The following HCN4 variants were observed in gnomAD, a reference collection of about 807,000 sequenced individuals.
HCN4 encodes the protein hyperpolarization activated cyclic nucleotide gated potassium channel 4.
A neutral mutation model predicts 76.9 loss-of-function variants in HCN4; 29 were observed. That is an observed-to-expected ratio of 0.38 (90% CI 0.28 to 0.51). The LOEUF is 0.51. HCN4 is among the 20% of genes least tolerant of loss of function. The pLI is 0.90. For missense variants in HCN4, 1,416 were observed against 1,715.2 expected (o/e 0.83, Z 3.08); for synonymous variants, 772 against 762.5 (o/e 1.01, Z -0.21).
intron 2 of HCN4, among the ~76,000 whole-genome samples, chr15:73,333,044 T>TTAA (rs1329444865): frequency 6.6e-6 from 1 of 152,218 alleles, no homozygotes; most frequent in Non-Finnish European, 1.5e-5. Context: ...TCCTGATTGG[T>TTAA]TAATACGTAT....
In HCN4 at chr15:73,329,763, T is replaced by C; in HGVS notation, c.1400A>G (p.Tyr467Cys). The C allele has an allele frequency of 6.2e-7, 1 of 1,613,992 alleles. No homozygotes were observed. The highest frequency in any genetic ancestry group is 8.5e-7 in the Non-Finnish European group (1 of 1,179,964). ...VNNSWGKQYS[Y>C]ALFKAMSHML... ...GTGGCTCATGGCCTTGAAGAGCGCG[T>C]AGGAGTACTGCTTCCCCCAGGAGTT... Residue 467 changes from tyrosine (Y) to cysteine (C), a missense_variant, in exon 4 of 8, where the codon TAC becomes TGC. Tyr to Cys is a radical substitution (Grantham distance 194). Around this residue, in one of 6 missense-constraint regions of HCN4, gnomAD observed 112 missense variants for 259.9 expected, o/e 0.43. Transcript: ENST00000261917.
rs924769137 is a variant in HCN4, at chr15:73,343,925, C to A, written c.786-117G>T. ...AGAGAAGTCTTGGGAGGTTCTGAGA[C>A]AGGAAGACAGGCACATGGGTACCAG... On this transcript the variant is annotated intron_variant, in intron 1 of 7. Transcript: ENST00000261917. This position sits in a 1 kb window ranked among gnomAD's most constrained non-coding sequence, Gnocchi z 5.7. 18 of 1,016,312 alleles carry A rather than the reference C, an allele frequency of 1.8e-5. No homozygotes were observed. The African/African-American group carries it at 2.7e-4, about 15-fold the overall frequency. 63.0% of individuals were successfully genotyped at this position (1,016,312 alleles called of 1,614,324 possible).
Position 73,368,181 on chromosome 15 carries a change from C to T in HCN4, c.90G>A (p.Glu30=). ...CCCCGGCCCCCTCCTCCTCGGCGTC[C>T]TCTTCCTCGTCCATGATCCACGCCT... ...GAKAWIMDEE[E]DAEEEGAGGR... Residue 30 remains glutamate, a synonymous_variant, in exon 1 of 8, where the codon GAG becomes GAA. Transcript: ENST00000261917. The surrounding 1 kb of genome is among the most constrained non-coding windows in gnomAD (Gnocchi z 6.9). 6.5e-7 allele frequency: 1 copy of T among 1,533,410 alleles called. No homozygotes were observed. Among genetic ancestry groups the T allele is most frequent in the Non-Finnish European group, 8.8e-7 (1 of 1,141,618 alleles). 95.0% of individuals were successfully genotyped at this position (1,533,410 alleles called of 1,614,324 possible). A position where few individuals can be genotyped will look rare whatever the true frequency, so the allele number is the denominator to read the frequency against.
intron 1 of HCN4, among the ~76,000 whole-genome samples, chr15:73,349,574 T>C (rs1490556094): frequency 6.6e-6 from 1 of 152,054 alleles, no homozygotes; most frequent in Non-Finnish European, 1.5e-5. Context: ...GCTCCTTGTC[T>C]CCCTCCCAGC....
chr15:73,323,072 C>G lies in HCN4; in HGVS notation c.3021G>C (p.Val1007=), dbSNP rs1461880931. 3.2e-6 allele frequency: 5 copies of G among 1,558,984 alleles called. No individual in the cohort carries two copies. Among genetic ancestry groups the G allele is most frequent in the Non-Finnish European group, 4.3e-6 (5 of 1,156,906 alleles). ...PPRQPEPPSL[V]AGASGGASPV... ...GGGAAGCCCCCCCAGAGGCCCCTGC[C>G]ACAAGGGACGGCGGCTCAGGCTGCC... Residue 1007 remains valine (V), a synonymous_variant, in exon 8 of 8, where the codon GTG becomes GTC. Transcript: ENST00000261917.
intron 1 of HCN4, among the ~76,000 whole-genome samples, chr15:73,349,548 C>A (rs2043044033): frequency 6.6e-6 from 1 of 152,124 alleles, no homozygotes. Context: ...TACTCCCAAA[C>A]TCTGTCCCTC....
In HCN4 at chr15:73,322,962, C is replaced by T. The variant is rs750637152; in HGVS notation, c.3131G>A (p.Arg1044Gln). The change falls in exon 8 of 8, where the codon CGG becomes CAG. Residue 1044 changes from arginine to glutamine, a missense_variant. Physicochemically the swap from Arg to Gln is conservative, Grantham distance 43. Coordinates refer to ENST00000261917, the MANE Select transcript of HCN4 (RefSeq NM_005477.3). The stretch of plus-strand genomic sequence containing the variant: ...CAAGGATCCGTGGGAGCCAGAGGCC[C>T]GGGGCGGGGCACTCGGGAAGGTTCT... ...PPRTFPSAPP[R>Q]ASGSHGSLLL... is the part of the protein sequence containing the mutation. The T allele has an allele frequency of 3.8e-5, 53 of 1,406,640 alleles. No individual in the cohort carries two copies. Among genetic ancestry groups the T allele is most frequent in the South Asian group, 1.7e-4 (11 of 64,234 alleles). 87.1% of individuals were successfully genotyped at this position (1,406,640 alleles called of 1,614,324 possible).
chr15:73,338,779 C>T (rs946849736), intron 2 of HCN4, among the ~76,000 whole-genome samples: 3 of 152,210 alleles, frequency 2.0e-5, no homozygotes, highest in Admixed American at 6.5e-5. Flanking sequence ...CAAGTGTCTG[C>T]GTTGAAGACA....
rs1463868589 is a variant in HCN4 at position 73,325,591 on chromosome 15, T to G, written c.1591-147A>C. The G allele has an allele frequency of 1.2e-6, 1 of 801,088 alleles. No individual in the cohort carries two copies. Among genetic ancestry groups the G allele is most frequent in the Non-Finnish European group, 2.1e-6 (1 of 474,614 alleles). The allele number at this position is 801,088 out of a possible 1,614,324, so 49.6% of individuals were successfully genotyped here. A position where few individuals can be genotyped will look rare whatever the true frequency, so the allele number is the denominator to read the frequency against. On this transcript the variant is annotated intron_variant, in intron 4 of 7. Transcript: ENST00000261917. This position sits in a 1 kb window ranked among gnomAD's most constrained non-coding sequence, Gnocchi z 7.4. ...GTTCCTTGAGATCTGAGGTCTACAG[T>G]GTGGAAATGACCTCACTGTGCTCAA... is the stretch of plus-strand genomic sequence containing the variant.
rs1362612985 is a variant in HCN4 at position 73,325,267 on chromosome 15, C to A, written c.1737+31G>T. 5 of 1,614,024 alleles carry A rather than the reference C, an allele frequency of 3.1e-6. No homozygotes were observed. The highest frequency in any genetic ancestry group is 4.2e-6 in the Non-Finnish European group (5 of 1,179,948). On this transcript the variant is annotated intron_variant, in intron 5 of 7. Coordinates refer to ENST00000261917, the MANE Select transcript of HCN4 (RefSeq NM_005477.3). This position sits in a 1 kb window ranked among gnomAD's most constrained non-coding sequence, Gnocchi z 7.4. ...AGCTGGCTGCCAGGAAGGCCTGGCTCCCCTCCACGCCGGGCCGCCACACAG... is the reference window on the plus strand; with the variant it reads ...AGCTGGCTGCCAGGAAGGCCTGGCTACCCTCCACGCCGGGCCGCCACACAG...
At chr15:73,353,784 C>T (rs1000944614) in intron 1 of HCN4, among the ~76,000 whole-genome samples, 1 of 152,076 alleles carries the variant, frequency 6.6e-6, no homozygotes, top group East Asian at 1.9e-4. Context: ...CCCCTGTACC[C>T]TCAGGGTTGA....
At chr15:73,338,163 A>G (rs1050906939) in intron 2 of HCN4, among the ~76,000 whole-genome samples, 5 of 152,192 alleles carry the variant, frequency 3.3e-5, no homozygotes, top group African/African-American at 9.7e-5. Context: ...CGTTGCTGGG[A>G]GAGGCTGCTA....
At chr15:73,352,529 G>A (rs552334850) in intron 1 of HCN4, among the ~76,000 whole-genome samples, 23 of 152,342 alleles carry the variant, frequency 1.5e-4, no homozygotes, top group South Asian at 6.2e-4. Flanking sequence ...AGAAGAAACA[G>A]GGGGCCTGGG....
Position 73,368,923 on chromosome 15 carries a change from C to G in HCN4, c.-653G>C, listed in dbSNP as rs926660515. On this transcript the variant is annotated 5_prime_UTR_variant, in exon 1 of 8. Coordinates refer to ENST00000261917, the MANE Select transcript of HCN4 (RefSeq NM_005477.3). This position sits in a 1 kb window ranked among gnomAD's most constrained non-coding sequence, Gnocchi z 6.9. ...GCGCCCCGGAATATTCATGAAGCCG[C>G]CGCAGCTCGCGGGTTGCCATAGGAG... 2 of 152,232 alleles carry G rather than the reference C, an allele frequency of 1.3e-5. No individual in the cohort carries two copies. The highest frequency in any genetic ancestry group is 2.4e-5 in the African/African-American group (1 of 41,464). The allele number at this position is 152,232 out of a possible 1,614,324, so 9.4% of individuals were successfully genotyped here. A position where few individuals can be genotyped will look rare whatever the true frequency, so the allele number is the denominator to read the frequency against.
Position 73,367,596 on chromosome 15 carries a change from C to A in HCN4, c.675G>T (p.Gly225=). 2 of 1,613,764 alleles carry A rather than the reference C, an allele frequency of 1.2e-6. No individual in the cohort carries two copies. Among genetic ancestry groups the A allele is most frequent in the Non-Finnish European group, 8.5e-7 (1 of 1,180,000 alleles). Reference sequence around the variant, plus strand: ...ACATCCTTAGGGAGAATTTGTTGACCCCGGGTTGGAGCATGGCCCCGAACT... The same window carrying A: ...ACATCCTTAGGGAGAATTTGTTGACACCGGGTTGGAGCATGGCCCCGAACT... ...QRQFGAMLQP[G]VNKFSLRMFG... Residue 225 remains glycine (G), a synonymous_variant, in exon 1 of 8, where the codon GGG becomes GGT. Coordinates refer to ENST00000261917, the MANE Select transcript of HCN4 (RefSeq NM_005477.3). The surrounding 1 kb of genome is among the most constrained non-coding windows in gnomAD (Gnocchi z 7.5).
chr15:73,332,327 G>A, intron 2 of HCN4, 35 bp from the exon 3 acceptor site: 1 of 1,611,600 alleles, frequency 6.2e-7, no homozygotes, highest in Non-Finnish European at 8.5e-7. Context: ...GCTGGGATAG[G>A]TGAGTGGCCA....
chr15:73,341,526 T>G (rs1462086991), intron 2 of HCN4, among the ~76,000 whole-genome samples: 2 of 152,222 alleles, frequency 1.3e-5, no homozygotes, highest in African/African-American at 2.4e-5. Context: ...ATACCTATTT[T>G]GCAGATAAAG....
At position 73,324,111 on chromosome 15, in the gene HCN4, C is replaced by T. The variant is rs1354885005; in HGVS notation, c.2121G>A (p.Ala707=). The part of the protein sequence containing the change: ...PMMRRAFETV[A]LDRLDRIGKK... ...CACCAATGCGGTCCAGGCGGTCCAG[C>T]GCCACGGTCTCGAAGGCCCTTCGCA... The change falls in exon 7 of 8, where the codon GCG becomes GCA. Residue 707 remains alanine, a synonymous_variant. Coordinates refer to ENST00000261917, the MANE Select transcript of HCN4 (RefSeq NM_005477.3). The T allele has an allele frequency of 6.8e-6, 11 of 1,613,464 alleles. 1 individual carries two copies. The East Asian group carries it at 8.9e-5, about 13-fold the overall frequency.
chr15:73,341,135 C>T (rs1384511680), intron 2 of HCN4: 2 of 147,882 alleles, frequency 1.4e-5, no homozygotes, highest in African/African-American at 5.1e-5. Flanking sequence ...ATATAAATAA[C>T]ATCTATTTAT....
Sources: gnomAD v4.1 joint callset for allele counts (sites outside exome capture counted in the v4.1 genomes callset) on GRCh38, gnomAD v4.1.1 for gene constraint, gnomAD v4.1.1 regional missense constraint, Gnocchi (gnomAD v3.1) non-coding constraint, MANE v1.5 for transcripts, NCBI Gene and HGNC (gene_info 2026-07-23, HGNC 2026-07-21) for gene names.